KCNMB2: variants seen among roughly 807,000 people sequenced by gnomAD.
KCNMB2 encodes the protein calcium-activated potassium channel subunit beta-2.
Under a neutral mutation model 24.5 loss-of-function variants are expected in KCNMB2, and 9 were observed. The ratio of observed to expected loss-of-function variants is 0.37; its 90% CI spans 0.22 to 0.64. KCNMB2 has a LOEUF of 0.64. Among genes scored for constraint, KCNMB2 ranks in the 30% least tolerant of loss-of-function variants. KCNMB2 has a pLI of 0.63. For missense variants in KCNMB2, 226 were observed against 284.3 expected, an observed-to-expected ratio of 0.79 and a Z score of 1.47; for synonymous variants, 109 against 104.4, an observed-to-expected ratio of 1.04 and a Z score of -0.27.
At chr3:178,556,856 G>A (rs1319600371) in intron 1 of KCNMB2, among the ~76,000 whole-genome samples, 1 of 152,200 alleles carries the variant, frequency 6.6e-6, no homozygotes, top group African/African-American at 2.4e-5. Context: ...TGAAGCATAA[G>A]GGACTGTGTA....
intron 1 of KCNMB2, among the ~76,000 whole-genome samples, chr3:178,759,258 A>G (rs1343904480): frequency 8.1e-6 from 1 of 123,338 alleles, no homozygotes; most frequent in East Asian, 2.4e-4. Flanking sequence ...TATCTCTCCA[A>G]GAAGAGACAG....
At chr3:178,836,319 A>C (rs1182739843) in intron 4 of KCNMB2, among the ~76,000 whole-genome samples, 1 of 147,692 alleles carries the variant, frequency 6.8e-6, no homozygotes, top group African/African-American at 2.4e-5. Context: ...AGAGAGGCTA[A>C]GGAAAAAAAA....
At chr3:178,784,426 G>A (rs1372441105) in intron 1 of KCNMB2, among the ~76,000 whole-genome samples, 4 of 152,140 alleles carry the variant, frequency 2.6e-5, no homozygotes, top group Non-Finnish European at 5.9e-5. Context: ...TCTTTTAGGA[G>A]TATATGTGTC....
chr3:178,767,744 T>G (rs1712181031), intron 1 of KCNMB2, among the ~76,000 whole-genome samples: 1 of 152,230 alleles, frequency 6.6e-6, no homozygotes, highest in Non-Finnish European at 1.5e-5. Flanking sequence ...TGTATGGCTG[T>G]GACCACTGGT....
chr3:178,777,325 C>T (rs1712622138), intron 1 of KCNMB2, among the ~76,000 whole-genome samples: 1 of 152,050 alleles, frequency 6.6e-6, no homozygotes, highest in Non-Finnish European at 1.5e-5. Flanking sequence ...ATCCAAGCTA[C>T]TCAGAGGCTG....
chr3:178,694,454 T>C (rs9880184), intron 1 of KCNMB2, among the ~76,000 whole-genome samples: 57,052 of 152,072 alleles, frequency 0.38, 10,787 homozygotes, highest in Middle Eastern at 0.51. Context: ...CATTCCAGCA[T>C]TAACTCAAAA....
At chr3:178,677,407 G>A (rs532948207) in intron 1 of KCNMB2, among the ~76,000 whole-genome samples, 1 of 152,322 alleles carries the variant, frequency 6.6e-6, no homozygotes, top group East Asian at 1.9e-4. Flanking sequence ...GAAGACATGA[G>A]GAGGGACTCA....
intron 1 of KCNMB2, among the ~76,000 whole-genome samples, chr3:178,764,422 A>T (rs941405823): frequency 2.6e-5 from 4 of 152,208 alleles, no homozygotes; most frequent in African/African-American, 9.7e-5. Flanking sequence ...AAATATACAA[A>T]TACTTACCAT....
At chr3:178,644,378 C>T (rs1719837836) in intron 1 of KCNMB2, among the ~76,000 whole-genome samples, 1 of 152,172 alleles carries the variant, frequency 6.6e-6, no homozygotes, top group African/African-American at 2.4e-5. Context: ...GACCACAGGG[C>T]TGCTGATTTT....
chr3:178,681,310 A>C (rs1040046695), intron 1 of KCNMB2, among the ~76,000 whole-genome samples: 3 of 152,206 alleles, frequency 2.0e-5, no homozygotes, highest in Non-Finnish European at 4.4e-5. Flanking sequence ...AAGCAGTGAG[A>C]ATTAGTTATG....
At chr3:178,728,951 G>A (rs1310866202) in intron 1 of KCNMB2, among the ~76,000 whole-genome samples, 2 of 152,130 alleles carry the variant, frequency 1.3e-5, no homozygotes, top group African/African-American at 4.8e-5. Context: ...GTGTTGGTAA[G>A]TTGATACATA....
intron 1 of KCNMB2, among the ~76,000 whole-genome samples, chr3:178,794,338 C>T (rs888223906): frequency 2.0e-5 from 3 of 152,136 alleles, no homozygotes; most frequent in African/African-American, 7.2e-5. Context: ...TATCTGCCCC[C>T]AGCTTTCTCA....
intron 1 of KCNMB2, among the ~76,000 whole-genome samples, chr3:178,702,117 T>A (rs553238878): frequency 1.3e-5 from 2 of 151,406 alleles, no homozygotes; most frequent in South Asian, 4.2e-4. Context: ...AAATGATGAG[T>A]TCATGTCCTT....
At chr3:178,675,568 T>C (rs6778882) in intron 1 of KCNMB2, among the ~76,000 whole-genome samples, 47,489 of 151,962 alleles carry the variant, frequency 0.31, 7,881 homozygotes, top group African/African-American at 0.42. Flanking sequence ...GACCACTTTT[T>C]CCTTAGACAT....
At chr3:178,683,987 T>C (rs1306174314) in intron 1 of KCNMB2, among the ~76,000 whole-genome samples, 1 of 152,146 alleles carries the variant, frequency 6.6e-6, no homozygotes, top group Non-Finnish European at 1.5e-5. Flanking sequence ...GAAGTGGAGA[T>C]ACTCACTGCT....
intron 1 of KCNMB2, among the ~76,000 whole-genome samples, chr3:178,746,461 A>T (rs571533287): frequency 6.6e-6 from 1 of 151,846 alleles, no homozygotes; most frequent in African/African-American, 2.4e-5. Context: ...TGCTGTGAAG[A>T]CCTTAGACAT....
At chr3:178,778,671 C>T (rs556842582) in intron 1 of KCNMB2, among the ~76,000 whole-genome samples, 2 of 152,118 alleles carry the variant, frequency 1.3e-5, no homozygotes, top group African/African-American at 2.4e-5. Flanking sequence ...ACAGTTTGTA[C>T]CTGCACGTTA....
intron 1 of KCNMB2, among the ~76,000 whole-genome samples, chr3:178,716,828 C>T (rs116800912): frequency 0.011 from 1,748 of 152,186 alleles, 11 homozygotes; most frequent in Non-Finnish European, 0.018. Flanking sequence ...TTGGGAGGAA[C>T]GGGTCCCTGG....
intron 1 of KCNMB2, among the ~76,000 whole-genome samples, chr3:178,573,648 G>A (rs772109905): frequency 1.9e-4 from 28 of 150,270 alleles, no homozygotes; most frequent in Non-Finnish European, 3.8e-4. Context: ...TTGGGAGGCT[G>A]AGGTGGGAGG....
Sources: gnomAD v4.1 joint callset for allele counts (sites outside exome capture counted in the v4.1 genomes callset) on GRCh38, gnomAD v4.1.1 for gene constraint, MANE v1.5 for transcripts, NCBI Gene and HGNC (gene_info 2026-07-23, HGNC 2026-07-21) for gene names.